MTMR10: variants seen among roughly 807,000 people sequenced by gnomAD.
MTMR10 encodes the protein myotubularin related protein 10.
In MTMR10, 56 loss-of-function variants were observed where a neutral mutation model predicts 88.1. The ratio of observed to expected loss-of-function variants is 0.64; its 90% confidence interval spans 0.51 to 0.79. MTMR10 has a LOEUF of 0.79. MTMR10 is among the 30% of genes least tolerant of loss of function. The pLI is 0.00. For missense variants in MTMR10, 883 were observed against 924.7 expected, an observed-to-expected ratio of 0.95 and a Z score of 0.58; for synonymous variants, 380 against 340.9, an observed-to-expected ratio of 1.11 and a Z score of -1.26.
the MTMR10 span, among the ~76,000 whole-genome samples, chr15:30,925,506 G>A: frequency 6.6e-6 from 1 of 152,214 alleles, no homozygotes; most frequent in Non-Finnish European, 1.5e-5. Context: ...GTCACACCCT[G>A]GGTTGAGTGA....
intron 6 of MTMR10, 128 bp downstream of exon 6, chr15:30,967,792 T>A: frequency 1.4e-6 from 1 of 701,934 alleles, no homozygotes; most frequent in South Asian, 2.3e-5. Context: ...TAGTGCTTAC[T>A]TCTCTAAGGT....
At position 30,941,623 on chromosome 15, in the gene MTMR10, G is replaced by A. The variant is rs773402393; in HGVS notation, c.2181C>T (p.Asp727=). The A allele has an allele frequency of 6.2e-7, 1 of 1,605,504 alleles. No homozygotes were observed. The highest frequency in any genetic ancestry group is 8.5e-7 in the Non-Finnish European group (1 of 1,175,768). Residue 727 remains aspartate (D), a synonymous_variant, in exon 16 of 16, where the codon GAC becomes GAT. Coordinates refer to ENST00000435680, the MANE Select transcript of MTMR10 (RefSeq NM_017762.3). ...YFNASGPHHT[D]TSGTPEFLSS... is the part of the protein sequence containing the mutation. ...AGAGAAACTCCGGTGTCCCCGAGGT[G>A]TCGGTGTGGTGAGGGCCGCTGGCGT...
the MTMR10 span, chr15:30,922,204 T>C: frequency 1.9e-6 from 3 of 1,597,144 alleles, no homozygotes; most frequent in Non-Finnish European, 2.6e-6. Context: ...TTTGTGAATC[T>C]AATGAGGTTT....
At chr15:30,978,995 A>AT (rs1398000318) in intron 2 of MTMR10, among the ~76,000 whole-genome samples, 1 of 152,118 alleles carries the variant, frequency 6.6e-6, no homozygotes, top group African/African-American at 2.4e-5. Flanking sequence ...CCCATATCAG[A>AT]TTCTGGGCCA....
At chr15:30,950,670 C>CAA (rs35764283) in intron 12 of MTMR10, among the ~76,000 whole-genome samples, 32 of 142,310 alleles carry the variant, frequency 2.2e-4, no homozygotes, top group Admixed American at 5.5e-4. Context: ...AACTCCATCT[C>CAA]AAAAAAAAAA....
chr15:30,969,247 T>C (rs933783000), intron 5 of MTMR10, among the ~76,000 whole-genome samples: 1 of 151,936 alleles, frequency 6.6e-6, no homozygotes, highest in Non-Finnish European at 1.5e-5. Context: ...GAATTTGTCA[T>C]TAGTTTTGAC....
chr15:30,954,703 A>G lies in MTMR10; in HGVS notation c.1066+60T>C. 3 of 1,425,490 alleles carry G rather than the reference A, an allele frequency of 2.1e-6. No homozygotes were observed. The South Asian group carries it at 4.6e-5, about 22-fold the overall frequency. 88.3% of individuals were successfully genotyped at this position (1,425,490 alleles called of 1,614,324 possible). ...ATTTTTAAGAACATCACTTTTCCTGACATCTCATGCAACTCTGTATCCTGT... is the reference window on the plus strand; with the variant it reads ...ATTTTTAAGAACATCACTTTTCCTGGCATCTCATGCAACTCTGTATCCTGT... On this transcript the variant is annotated intron_variant, in intron 10 of 15. Coordinates refer to ENST00000435680, the MANE Select transcript of MTMR10 (RefSeq NM_017762.3).
At chr15:30,973,143 TTTAAA>T (rs1348935990) in intron 5 of MTMR10, among the ~76,000 whole-genome samples, 3 of 152,206 alleles carry the variant, frequency 2.0e-5, no homozygotes, top group African/African-American at 7.2e-5. Context: ...TAATAGGCAC[TTTAAA>T]TTAGTAAAAT....
intron 6 of MTMR10, among the ~76,000 whole-genome samples, chr15:30,965,337 G>A (rs1446803248): frequency 6.6e-6 from 1 of 152,196 alleles, no homozygotes; most frequent in Non-Finnish European, 1.5e-5. Context: ...TACAACTTCT[G>A]ATGTGAAATT....
intron 7 of MTMR10, among the ~76,000 whole-genome samples, chr15:30,959,704 C>T (rs1320057650): frequency 6.6e-6 from 1 of 152,192 alleles, no homozygotes; most frequent in Non-Finnish European, 1.5e-5. Context: ...AGCTTAAATT[C>T]CAGGGGAAGC....
At chr15:30,987,870 C>A (rs2031047327) in intron 2 of MTMR10, among the ~76,000 whole-genome samples, 1 of 151,262 alleles carries the variant, frequency 6.6e-6, no homozygotes, top group African/African-American at 2.4e-5. Context: ...CCTCATCCCC[C>A]ACCCCCAACA....
chr15:30,926,657 G>C, the MTMR10 span: 13 of 985,318 alleles, frequency 1.3e-5, no homozygotes, highest in Admixed American at 1.8e-4. Flanking sequence ...TGAAGACAGA[G>C]AGATACAGTA....
At chr15:30,963,327 A>G (rs909755462) in intron 6 of MTMR10, among the ~76,000 whole-genome samples, 3 of 152,158 alleles carry the variant, frequency 2.0e-5, no homozygotes, top group Admixed American at 6.5e-5. Flanking sequence ...ATTTTAACAA[A>G]GCTCATTAAA....
Position 30,939,820 on chromosome 15 carries a change from A to AGATT in MTMR10, c.*1649_*1650insAATC. 1.0e-6 allele frequency: 1 copy of AGATT among 985,290 alleles called. No homozygotes were observed. The highest frequency in any genetic ancestry group is 1.2e-6 in the Non-Finnish European group (1 of 829,776). 61.0% of individuals were successfully genotyped at this position (985,290 alleles called of 1,614,324 possible). On this transcript the variant is annotated 3_prime_UTR_variant, in exon 16 of 16. Coordinates refer to ENST00000435680, the MANE Select transcript of MTMR10 (RefSeq NM_017762.3). ...AGGAGATTGGGTCTGGTTTCTAATC[A>AGATT]AGGACTGTAAAATGTTTAATAATTC...
intron 2 of MTMR10, among the ~76,000 whole-genome samples, chr15:30,988,412 T>A (rs923557077): frequency 6.6e-6 from 1 of 152,180 alleles, no homozygotes; most frequent in African/African-American, 2.4e-5. Context: ...TGGCCGCCAA[T>A]GCAATAAAAA....
At chr15:30,944,149 T>C (rs2063131686) in intron 14 of MTMR10, 1 of 370,612 alleles carries the variant, frequency 2.7e-6, no homozygotes, top group South Asian at 1.1e-4. Flanking sequence ...CCTGGCACAG[T>C]GGCGGCTTGA....
At chr15:30,953,784 A>G (rs891690382) in intron 10 of MTMR10, among the ~76,000 whole-genome samples, 153 bp from the exon 11 acceptor site, 2 of 152,262 alleles carry the variant, frequency 1.3e-5, no homozygotes, top group African/African-American at 4.8e-5. Context: ...GCATTTAAGA[A>G]GACATTACAA....
intron 6 of MTMR10, among the ~76,000 whole-genome samples, chr15:30,962,797 CAA>C (rs1470878230): frequency 1.3e-5 from 2 of 152,230 alleles, no homozygotes; most frequent in South Asian, 2.1e-4. Context: ...AATGAAGATG[CAA>C]AAGAGAAGTC....
chr15:30,969,482 C>G (rs1251294929), intron 5 of MTMR10, among the ~76,000 whole-genome samples: 1 of 152,090 alleles, frequency 6.6e-6, no homozygotes, highest in African/African-American at 2.4e-5. Context: ...TGTTTGGGCA[C>G]CGTTGATAAG....
Sources: gnomAD v4.1 joint callset for allele counts (sites outside exome capture counted in the v4.1 genomes callset) on GRCh38, gnomAD v4.1.1 for gene constraint, MANE v1.5 for transcripts, NCBI Gene and HGNC (gene_info 2026-07-23, HGNC 2026-07-21) for gene names.